The following CDK15 variants were observed in gnomAD, a reference collection of about 807,000 sequenced individuals.
CDK15 encodes the protein cyclin-dependent kinase 15.
In CDK15, 62 loss-of-function variants were observed where a neutral mutation model predicts 60.3. The ratio of observed to expected loss-of-function variants is 1.03; its 90% CI spans 0.84 to 1.27. The LOEUF is 1.27. Ranked by LOEUF, CDK15 falls within the 50% of genes most tolerant of loss-of-function variation. The pLI, the probability that CDK15 is intolerant of heterozygous loss-of-function variation, is 0.00. For synonymous variants in CDK15, 194 were observed against 195.7 expected, an observed-to-expected ratio of 0.99 and a Z score of 0.07; for missense variants, 541 against 527.8, an observed-to-expected ratio of 1.03 and a Z score of -0.25.
chr2:201,873,644 C>G (rs1698948954), intron 11 of CDK15, among the ~76,000 whole-genome samples: 1 of 152,246 alleles, frequency 6.6e-6, no homozygotes. Flanking sequence ...GAATACCTCT[C>G]TGGCTTTTCT....
chr2:201,860,208 A>G (rs909191562), intron 10 of CDK15, among the ~76,000 whole-genome samples: 2 of 152,190 alleles, frequency 1.3e-5, no homozygotes, highest in Non-Finnish European at 2.9e-5. Context: ...ACCAAACTCA[A>G]AAGCGCTGAG....
At chr2:201,855,722 A>G (rs548135916) in intron 10 of CDK15, among the ~76,000 whole-genome samples, 1 of 152,290 alleles carries the variant, frequency 6.6e-6, no homozygotes, top group African/African-American at 2.4e-5. Flanking sequence ...ACAGATAACG[A>G]CAAGATTAGG....
intron 9 of CDK15, among the ~76,000 whole-genome samples, chr2:201,853,869 T>A (rs1698018379): frequency 6.6e-6 from 1 of 152,028 alleles, no homozygotes; most frequent in African/African-American, 2.4e-5. Flanking sequence ...GGCTTTAAAT[T>A]GGTCATTCAA....
At chr2:201,871,426 G>A (rs1428290610) in intron 10 of CDK15, among the ~76,000 whole-genome samples, 1 of 151,156 alleles carries the variant, frequency 6.6e-6, no homozygotes, top group African/African-American at 2.4e-5. Flanking sequence ...TGGGATTATA[G>A]GCAAGAGCCA....
chr2:201,870,766 A>C (rs1277748819), intron 10 of CDK15, among the ~76,000 whole-genome samples: 2 of 152,272 alleles, frequency 1.3e-5, no homozygotes, highest in Middle Eastern at 3.4e-3. Context: ...AGGCCTAAGA[A>C]AAATATAAGG....
At chr2:201,866,430 T>TA (rs1245932107) in intron 10 of CDK15, among the ~76,000 whole-genome samples, 2 of 152,316 alleles carry the variant, frequency 1.3e-5, no homozygotes, top group South Asian at 2.1e-4. Context: ...TTTACTATGG[T>TA]AGCAACAGTT....
At chr2:201,875,955 A>G (rs994288569) in intron 11 of CDK15, among the ~76,000 whole-genome samples, 2 of 152,198 alleles carry the variant, frequency 1.3e-5, no homozygotes, top group Admixed American at 6.5e-5. Flanking sequence ...CTGATTTATC[A>G]CAGGATTCTT....
chr2:201,833,966 AT>A lies in CDK15; in HGVS notation c.729del (p.Phe243LeufsTer19). 8 of 1,613,422 alleles carry A rather than the reference AT, an allele frequency of 5.0e-6. No homozygotes were observed. Among genetic ancestry groups the A allele is most frequent in the Non-Finnish European group, 6.8e-6 (8 of 1,179,728 alleles). ...CACCTGGGAGAGCTCAAACTGGCTG[AT>A]TTTGGTAAGTCGCCCCTCGGGTCTC... The part of the protein sequence containing the change: ...ISHLGELKLA[D>X]FGLARAKSIP... On this transcript the variant is annotated frameshift_variant, in exon 7 of 14. Transcript: ENST00000652192. LOFTEE classifies it high-confidence loss of function.
intron 8 of CDK15, among the ~76,000 whole-genome samples, chr2:201,836,209 A>AT (rs1331431215): frequency 7.0e-4 from 86 of 123,398 alleles, no homozygotes; most frequent in East Asian, 2.8e-3. Context: ...ATATATATGT[A>AT]TTTTTTTTTT....
intron 12 of CDK15, among the ~76,000 whole-genome samples, chr2:201,883,271 G>C (rs910046536): frequency 1.3e-5 from 2 of 152,008 alleles, no homozygotes; most frequent in Non-Finnish European, 2.9e-5. Flanking sequence ...AGCTCTTATT[G>C]TCTGCCCTCT....
chr2:201,880,133 C>T lies in CDK15; in HGVS notation c.1164C>T (p.Ser388=), dbSNP rs750408097. 16 of 1,613,908 alleles carry T rather than the reference C, an allele frequency of 9.9e-6. No individual in the cohort carries two copies. The highest frequency in any genetic ancestry group is 5.5e-5 in the South Asian group (5 of 91,070). The change falls in exon 12 of 14, where the codon AGC becomes AGT. Residue 388 remains serine, a synonymous_variant. Coordinates refer to ENST00000652192, the MANE Select transcript of CDK15 (RefSeq NM_001366386.2). Reference sequence around the variant, plus strand: ...AAGCACTTGTTCATGATTATTTCAGCGCCCTGCCATCTCAGCTGTACCAGC... The same window carrying T: ...AAGCACTTGTTCATGATTATTTCAGTGCCCTGCCATCTCAGCTGTACCAGC... The part of the protein sequence containing the change: ...AQEALVHDYF[S]ALPSQLYQLP...
At chr2:201,851,073 C>T (rs1215607652) in intron 9 of CDK15, among the ~76,000 whole-genome samples, 1 of 151,958 alleles carries the variant, frequency 6.6e-6, no homozygotes, top group Admixed American at 6.6e-5. Context: ...GGGTGGATCA[C>T]CTGAGGTCAG....
At chr2:201,827,107 G>A (rs963399408) in intron 6 of CDK15, among the ~76,000 whole-genome samples, 19 of 152,266 alleles carry the variant, frequency 1.2e-4, no homozygotes, top group African/African-American at 4.6e-4. Context: ...CACAAGTCTG[G>A]GGAAATATAT....
chr2:201,818,407 CAG>C (rs1696081708), intron 4 of CDK15, among the ~76,000 whole-genome samples: 1 of 152,200 alleles, frequency 6.6e-6, no homozygotes, highest in African/African-American at 2.4e-5. Context: ...TTATGAGACT[CAG>C]AATGCTAATT....
At chr2:201,870,526 A>AG (rs1698812241) in intron 10 of CDK15, among the ~76,000 whole-genome samples, 1 of 151,530 alleles carries the variant, frequency 6.6e-6, no homozygotes, top group Non-Finnish European at 1.5e-5. Context: ...CTGGACAAAA[A>AG]AAAAAAAGCG....
intron 9 of CDK15, 46 bp from the exon 10 acceptor site, chr2:201,854,828 C>A: frequency 6.4e-7 from 1 of 1,552,848 alleles, no homozygotes; most frequent in African/African-American, 1.4e-5. Flanking sequence ...CCATCCACCT[C>A]ATCTCCCCAC....
intron 8 of CDK15, among the ~76,000 whole-genome samples, chr2:201,839,691 T>C (rs7609553): frequency 0.067 from 3,532 of 53,056 alleles, 74 homozygotes; most frequent in African/African-American, 0.12. Flanking sequence ...GACAGACAGA[T>C]AGATAGATAA....
Position 201,814,949 on chromosome 2 carries a change from ATTTT to A in CDK15, c.448+2403_448+2406del, listed in dbSNP as rs5837791. Among the ~76,000 whole-genome samples the A allele has an allele frequency of 4.5e-4, 56 of 124,886 alleles. 1 individual carries two copies. Among genetic ancestry groups the A allele is most frequent in the East Asian group, 8.9e-4 (4 of 4,500 alleles). 81.9% of individuals were successfully genotyped at this position (124,886 alleles called of 152,430 possible). On this transcript the variant is annotated intron_variant, in intron 4 of 13. Transcript: ENST00000652192. Reference sequence around the variant, plus strand: ...AAAAGTATGAACAGCACTAAGGAACATTTTTTTTTTTTTTTTTTTGAGACGAAGT... The same window carrying A: ...AAAAGTATGAACAGCACTAAGGAACATTTTTTTTTTTTTTTGAGACGAAGT...
At chr2:201,860,957 A>G (rs929747325) in intron 10 of CDK15, 2 of 1,248,148 alleles carry the variant, frequency 1.6e-6, no homozygotes, top group African/African-American at 3.1e-5. Context: ...ATGAGTTCTG[A>G]GCAAGTCTCT....
Sources: allele counts gnomAD v4.1 joint callset (sites outside exome capture counted in the v4.1 genomes callset), GRCh38; gene constraint gnomAD v4.1.1; transcripts MANE v1.5; gene names NCBI Gene and HGNC (gene_info 2026-07-23, HGNC 2026-07-21).